The following FOXO3 variants were observed in gnomAD, a reference collection of about 807,000 sequenced individuals.
FOXO3 encodes forkhead box O3.
A neutral mutation model predicts 41.9 loss-of-function variants in FOXO3; 4 were observed. That is an observed-to-expected ratio of 0.10 (90% CI 0.05 to 0.22). FOXO3 has a LOEUF of 0.22. FOXO3 is among the 10% of genes least tolerant of loss of function. FOXO3 has a pLI of 1.00. For synonymous variants in FOXO3, 318 were observed against 389.3 expected, an observed-to-expected ratio of 0.82 and a Z score of 2.16; for missense variants, 534 against 906.8, an observed-to-expected ratio of 0.59 and a Z score of 5.28.
At chr6:108,604,316 T>C (rs1777133103) in intron 1 of FOXO3, among the ~76,000 whole-genome samples, 1 of 152,246 alleles carries the variant, frequency 6.6e-6, no homozygotes, top group Non-Finnish European at 1.5e-5. Context: ...TCTTGGTGAC[T>C]AAATGAGGTG....
chr6:108,663,483 A>G lies in FOXO3; in HGVS notation c.650A>G (p.His217Arg), dbSNP rs777341141. The change falls in exon 2 of 3, where the codon CAT (histidine) becomes CGT (arginine). Residue 217 changes from histidine to arginine, a missense_variant. Physicochemically the swap from His to Arg is conservative, Grantham distance 29 (BLOSUM62 0). Transcript: ENST00000406360. Reference protein sequence around the residue: ...KNSIRHNLSLHSRFMRVQNEG... With the variant: ...KNSIRHNLSLRSRFMRVQNEG... ...TCCATCCGGCACAACCTGTCACTGC[A>G]TAGTCGATTCATGCGGGTCCAGAAT... The G allele has an allele frequency of 6.2e-7, 1 of 1,606,882 alleles. No homozygotes were observed. Among genetic ancestry groups the G allele is most frequent in the Non-Finnish European group, 8.5e-7 (1 of 1,176,318 alleles).
At chr6:108,608,759 T>G (rs1002403575) in intron 1 of FOXO3, among the ~76,000 whole-genome samples, 2 of 152,234 alleles carry the variant, frequency 1.3e-5, no homozygotes, top group Non-Finnish European at 2.9e-5. Flanking sequence ...GGTTTCACAT[T>G]TCTAATAGTA....
chr6:108,676,159 T>A (rs1770580966), intron 2 of FOXO3, among the ~76,000 whole-genome samples: 1 of 152,218 alleles, frequency 6.6e-6, no homozygotes, highest in South Asian at 2.1e-4. Flanking sequence ...AGCAATTGAT[T>A]TCAAACTTGT....
At chr6:108,596,969 C>T (rs755963997) in intron 1 of FOXO3, among the ~76,000 whole-genome samples, 11 of 152,030 alleles carry the variant, frequency 7.2e-5, no homozygotes, top group Middle Eastern at 3.4e-3. Flanking sequence ...ACTAAATAAA[C>T]TAGAGTCTTA....
intron 1 of FOXO3, among the ~76,000 whole-genome samples, chr6:108,641,500 A>G (rs1778256984): frequency 6.6e-6 from 1 of 152,150 alleles, no homozygotes. Flanking sequence ...ACCATTGTAA[A>G]GCTCTGTCTC....
intron 1 of FOXO3, among the ~76,000 whole-genome samples, chr6:108,610,589 A>G (rs1212058291): frequency 1.3e-5 from 2 of 152,168 alleles, no homozygotes; most frequent in Admixed American, 1.3e-4. Context: ...TTGCAAGTAG[A>G]TAGAAGTGAT....
At chr6:108,647,940 C>T (rs1027094307) in intron 1 of FOXO3, among the ~76,000 whole-genome samples, 7 of 152,144 alleles carry the variant, frequency 4.6e-5, no homozygotes, top group African/African-American at 1.7e-4. Context: ...CATTTTCCTT[C>T]ACAGAGATCT....
In FOXO3 at chr6:108,631,693, A is replaced by G. The variant is rs546416445; in HGVS notation, c.622-31762A>G. On this transcript the variant is annotated intron_variant, in intron 1 of 2. Coordinates refer to ENST00000406360, the MANE Select transcript of FOXO3 (RefSeq NM_001455.4). Reference sequence around the variant, plus strand: ...TTCTGTATACTTCAGTGTGCACAGAATAACATGGGCATATGCTTACCTGAC... The same window carrying G: ...TTCTGTATACTTCAGTGTGCACAGAGTAACATGGGCATATGCTTACCTGAC... 2.0e-5 allele frequency among the ~76,000 whole-genome samples: 3 copies of G among 152,296 alleles called. No individual in the cohort carries two copies. In the South Asian group the frequency reaches 6.2e-4, roughly 32 times the overall value.
intron 1 of FOXO3, among the ~76,000 whole-genome samples, chr6:108,614,354 T>C (rs1471745074): frequency 6.6e-6 from 1 of 152,180 alleles, no homozygotes; most frequent in African/African-American, 2.4e-5. Flanking sequence ...CAAACTTTAA[T>C]TGAAAAATAA....
chr6:108,638,929 G>A (rs181076173), intron 1 of FOXO3, among the ~76,000 whole-genome samples: 31 of 152,270 alleles, frequency 2.0e-4, no homozygotes, highest in African/African-American at 6.3e-4. Context: ...AAGTGGCACC[G>A]TGTCCTGCCT....
rs1372961627 is a variant in FOXO3, at chr6:108,561,277, G to A, written c.69G>A (p.Glu23=). The part of the protein sequence containing the change: ...PLEVELDPEF[E]PQSRPRSCTW... ...AAGTGGAGCTGGACCCGGAGTTCGAGCCCCAGAGCCGTCCGCGATCCTGTA... is the reference window on the plus strand; with the variant it reads ...AAGTGGAGCTGGACCCGGAGTTCGAACCCCAGAGCCGTCCGCGATCCTGTA... The change falls in exon 1 of 3, where the codon GAG becomes GAA. Residue 23 remains glutamate (E), a synonymous_variant. Transcript: ENST00000406360. 4.5e-6 allele frequency: 7 copies of A among 1,564,052 alleles called. No homozygotes were observed. Among genetic ancestry groups the A allele is most frequent in the Non-Finnish European group, 6.0e-6 (7 of 1,157,442 alleles).
At chr6:108,650,990 A>G (rs979432313) in intron 1 of FOXO3, among the ~76,000 whole-genome samples, 2 of 152,200 alleles carry the variant, frequency 1.3e-5, no homozygotes, top group Non-Finnish European at 1.5e-5. Flanking sequence ...AGAAAAAAAA[A>G]TCTTGCAAAA....
intron 1 of FOXO3, among the ~76,000 whole-genome samples, chr6:108,585,198 C>T (rs993097211): frequency 2.6e-5 from 4 of 151,888 alleles, no homozygotes; most frequent in Admixed American, 1.3e-4. Flanking sequence ...CCCGCCACCG[C>T]GCCCGGCTAA....
At chr6:108,672,258 G>A (rs1472484971) in intron 2 of FOXO3, among the ~76,000 whole-genome samples, 3 of 152,160 alleles carry the variant, frequency 2.0e-5, no homozygotes, top group African/African-American at 7.2e-5. Context: ...TCTGGCCTTG[G>A]GTCTCCCCAG....
chr6:108,574,855 AC>A (rs1206581843), intron 1 of FOXO3, among the ~76,000 whole-genome samples: 5 of 152,104 alleles, frequency 3.3e-5, no homozygotes, highest in Non-Finnish European at 5.9e-5. Context: ...AAATTACAGA[AC>A]TCTCAGTTTC....
chr6:108,656,555 G>C (rs576333937), intron 1 of FOXO3: 145 of 971,264 alleles, frequency 1.5e-4, no homozygotes, highest in Admixed American at 1.2e-3. Context: ...TAACATTTAT[G>C]ATGTCACTGC....
chr6:108,676,605 C>A (rs1343185012), intron 2 of FOXO3, among the ~76,000 whole-genome samples: 1 of 152,178 alleles, frequency 6.6e-6, no homozygotes, highest in Non-Finnish European at 1.5e-5. Context: ...TCACGGTTAA[C>A]TAAATAACCG....
At chr6:108,617,785 C>A (rs114776467) in intron 1 of FOXO3, among the ~76,000 whole-genome samples, 4 of 151,886 alleles carry the variant, frequency 2.6e-5, no homozygotes, top group African/African-American at 9.7e-5. Flanking sequence ...CAAAACATAC[C>A]GTTGGCTGTT....
At chr6:108,650,867 G>C (rs758693999) in intron 1 of FOXO3, among the ~76,000 whole-genome samples, 1 of 152,096 alleles carries the variant, frequency 6.6e-6, no homozygotes, top group African/African-American at 2.4e-5. Context: ...ATGCTCATCT[G>C]TGTGTGTAAT....
Sources: gnomAD v4.1 joint callset for allele counts (sites outside exome capture counted in the v4.1 genomes callset) on GRCh38, gnomAD v4.1.1 for gene constraint, MANE v1.5 for transcripts, NCBI Gene and HGNC (gene_info 2026-07-23, HGNC 2026-07-21) for gene names.